MYT1L: variants seen among roughly 807,000 people sequenced by gnomAD.
The protein encoded by MYT1L is myelin transcription factor 1 like.
A neutral mutation model predicts 126.7 loss-of-function variants in MYT1L; 12 were observed. The observed-to-expected ratio is 0.09, with a 90% CI of 0.06 to 0.15. The LOEUF is 0.15. Among genes scored for constraint, MYT1L ranks in the 10% least tolerant of loss-of-function variants. MYT1L has a pLI of 1.00. For missense variants in MYT1L, 979 were observed against 1,585.2 expected (o/e 0.62, Z 6.49); for synonymous variants, 541 against 604.2 (o/e 0.90, Z 1.53).
intron 2 of MYT1L, among the ~76,000 whole-genome samples, chr2:2,236,783 TCTTCTTCTTCTTCTTCTTCTTCTTCTTC>T (rs1559420491): frequency 2.5e-4 from 5 of 19,940 alleles, no homozygotes; most frequent in African/African-American, 1.0e-3. Context: ...TTCTTCTTCT[TCTTCTTCTTCTTCTTCTTCTTCTTCTTC>T]TTCTTTTTTT....
At chr2:1,936,114 G>A (rs1234304984) in intron 9 of MYT1L, among the ~76,000 whole-genome samples, 1 of 152,046 alleles carries the variant, frequency 6.6e-6, no homozygotes, top group African/African-American at 2.4e-5. Flanking sequence ...GTAGAGACAG[G>A]GTTTTGGCCT....
intron 1 of MYT1L, among the ~76,000 whole-genome samples, chr2:2,290,565 C>T (rs1333469444): frequency 2.0e-5 from 3 of 152,178 alleles, no homozygotes; most frequent in Non-Finnish European, 4.4e-5. Flanking sequence ...ATCACATGTG[C>T]CAGCCAAGTT....
At chr2:2,325,037 T>C (rs2096227479) in intron 1 of MYT1L, 1 of 152,464 alleles carries the variant, frequency 6.6e-6, no homozygotes, top group Admixed American at 6.5e-5. Flanking sequence ...TTTAATGTAA[T>C]AGATGAGAAC....
chr2:1,961,187 G>A (rs2058931056), intron 8 of MYT1L, among the ~76,000 whole-genome samples: 1 of 152,202 alleles, frequency 6.6e-6, no homozygotes, highest in South Asian at 2.1e-4. Flanking sequence ...TAAAACAGCT[G>A]GATGAGTTAC....
chr2:1,794,458 G>C (rs1393775451), intron 23 of MYT1L, among the ~76,000 whole-genome samples: 1 of 152,214 alleles, frequency 6.6e-6, no homozygotes, highest in Non-Finnish European at 1.5e-5. Context: ...GAAGACATTT[G>C]TTATTCCTGG....
intron 2 of MYT1L, among the ~76,000 whole-genome samples, chr2:2,227,794 C>G (rs2094051271): frequency 1.3e-5 from 2 of 152,132 alleles, no homozygotes. Flanking sequence ...TTTAGAAAGG[C>G]CTTTTTCACT....
chr2:2,075,453 G>C (rs2075112370), intron 3 of MYT1L, among the ~76,000 whole-genome samples: 1 of 152,148 alleles, frequency 6.6e-6, no homozygotes, highest in Non-Finnish European at 1.5e-5. Context: ...GTAGAAGTAA[G>C]AAAAGACCCT....
intron 8 of MYT1L, among the ~76,000 whole-genome samples, chr2:1,970,847 G>T (rs2059762346): frequency 6.6e-6 from 1 of 152,098 alleles, no homozygotes; most frequent in South Asian, 2.1e-4. Flanking sequence ...TTCCCAAATT[G>T]TATATTTTTT....
chr2:1,979,337 C>G lies in MYT1L; in HGVS notation c.90-110G>C, dbSNP rs1443978645. The G allele has an allele frequency of 1.7e-6, 2 of 1,161,924 alleles. No individual in the cohort carries two copies. The highest frequency in any genetic ancestry group is 1.5e-5 in the African/African-American group (1 of 65,294). 72.0% of individuals were successfully genotyped at this position (1,161,924 alleles called of 1,614,324 possible). A position where few individuals can be genotyped will look rare whatever the true frequency, so the allele number is the denominator to read the frequency against. On this transcript the variant is annotated intron_variant, in intron 7 of 24. Coordinates refer to ENST00000647738, the MANE Select transcript of MYT1L (RefSeq NM_001303052.2). The surrounding 1 kb of genome is among the most constrained non-coding windows in gnomAD (Gnocchi z 4.0). ...CGGCTCAGACAGAGGAGAGAAATCA[C>G]ACAATCCAAAGGAGGGGGAAATTCG...
chr2:1,810,540 A>G (rs1464886238), intron 21 of MYT1L, among the ~76,000 whole-genome samples: 1 of 152,202 alleles, frequency 6.6e-6, no homozygotes, highest in Non-Finnish European at 1.5e-5. Context: ...CGTGTCCGTA[A>G]GTGGTGTGAT....
At chr2:1,871,896 G>A (rs1197086289) in intron 18 of MYT1L, among the ~76,000 whole-genome samples, 6 of 152,154 alleles carry the variant, frequency 3.9e-5, no homozygotes, top group Non-Finnish European at 8.8e-5. Flanking sequence ...CATCCAAGCT[G>A]AAGCTGCAAC....
At chr2:1,919,941 A>T (rs1283219680) in intron 10 of MYT1L, among the ~76,000 whole-genome samples, 1 of 149,976 alleles carries the variant, frequency 6.7e-6, no homozygotes, top group Non-Finnish European at 1.5e-5. Context: ...GATGGTCTCG[A>T]TCTCCTGACC....
At chr2:2,321,245 A>G (rs1573561191) in intron 1 of MYT1L, among the ~76,000 whole-genome samples, 3 of 152,268 alleles carry the variant, frequency 2.0e-5, no homozygotes, top group Non-Finnish European at 2.9e-5. Flanking sequence ...GGCAGGTGGG[A>G]GTTTCAGAGA....
At position 1,894,239 on chromosome 2, in the gene MYT1L, C is replaced by T. The variant is rs532337457; in HGVS notation, c.2033-1952G>A. Among the ~76,000 whole-genome samples the T allele has an allele frequency of 4.6e-5, 7 of 152,342 alleles. No homozygotes were observed. In the South Asian group the frequency reaches 1.4e-3, roughly 32 times the overall value. ...CTTCTCTCTACTTTGGGATGCCCCT[C>T]CTCTAGGGAGCCCAGCAGTGCAGGG... On this transcript the variant is annotated intron_variant, in intron 14 of 24. Transcript: ENST00000647738.
intron 8 of MYT1L, among the ~76,000 whole-genome samples, chr2:1,956,507 TTCTATCTATCTA>T (rs201077164): frequency 0.033 from 3,684 of 111,760 alleles, 117 homozygotes; most frequent in Non-Finnish European, 0.04. Flanking sequence ...ATATTTCCTA[TTCTATCTATCTA>T]TCTATCTATC....
intron 3 of MYT1L, among the ~76,000 whole-genome samples, chr2:2,168,523 G>A (rs1195333996): frequency 2.0e-5 from 3 of 152,110 alleles, no homozygotes; most frequent in Admixed American, 2.0e-4. Flanking sequence ...ACACAGTAAG[G>A]TAACGCACTC....
At chr2:1,835,128 C>T (rs114150805) in intron 21 of MYT1L, among the ~76,000 whole-genome samples, 2,065 of 152,106 alleles carry the variant, frequency 0.014, 47 homozygotes, top group African/African-American at 0.046. Flanking sequence ...GGGATGGATA[C>T]AGGTACTCCT....
chr2:2,128,989 A>C (rs2082041315), intron 3 of MYT1L, among the ~76,000 whole-genome samples: 1 of 152,246 alleles, frequency 6.6e-6, no homozygotes, highest in Non-Finnish European at 1.5e-5. Flanking sequence ...AAGGAATATT[A>C]AAATTAGTAG....
At chr2:2,286,006 G>A (rs1233030338) in intron 1 of MYT1L, among the ~76,000 whole-genome samples, 1 of 151,236 alleles carries the variant, frequency 6.6e-6, no homozygotes, top group African/African-American at 2.4e-5. Flanking sequence ...TTTGTGAGAT[G>A]GACTGTCACT....
Sources: allele counts gnomAD v4.1 joint callset (sites outside exome capture counted in the v4.1 genomes callset), GRCh38; gene constraint gnomAD v4.1.1; non-coding constraint Gnocchi (gnomAD v3.1); transcripts MANE v1.5; gene names NCBI Gene and HGNC (gene_info 2026-07-23, HGNC 2026-07-21).